The following RBMS2 variants were observed in gnomAD, a reference collection of about 807,000 sequenced individuals.
RBMS2 encodes RNA binding motif single stranded interacting protein 2.
RBMS2 carries 38 observed loss-of-function variants against 58.4 expected under a neutral mutation model. The observed-to-expected ratio is 0.65, with a 90% CI of 0.50 to 0.85. RBMS2 has a LOEUF of 0.85. Ranked by LOEUF, RBMS2 falls within the 40% of genes least tolerant of loss-of-function variation. RBMS2 has a pLI of 0.00. For synonymous variants in RBMS2, 151 were observed against 180.7 expected, an observed-to-expected ratio of 0.84 and a Z score of 1.32; for missense variants, 367 against 503.7, an observed-to-expected ratio of 0.73 and a Z score of 2.60.
chr12:56,546,316 A>G (rs941402226), intron 1 of RBMS2, among the ~76,000 whole-genome samples: 4 of 148,136 alleles, frequency 2.7e-5, no homozygotes, highest in African/African-American at 9.9e-5. Context: ...ATAATACATT[A>G]TAAAAAATAA....
intron 10 of RBMS2, among the ~76,000 whole-genome samples, chr12:56,587,267 CAAA>C (rs1237199645): frequency 8.3e-6 from 1 of 120,094 alleles, no homozygotes; most frequent in Non-Finnish European, 1.8e-5. Context: ...AACTCCGTCT[CAAA>C]AAAAAAAAAA....
Position 56,593,705 on chromosome 12 carries a change from C to G in RBMS2, c.*4572C>G, listed in dbSNP as rs2136641572. Reference sequence around the variant, plus strand: ...GGGATTACAGGTGCCTGCCACCATGCCTGGCTAATTTTTGTATTTTTAGTA... The same window carrying G: ...GGGATTACAGGTGCCTGCCACCATGGCTGGCTAATTTTTGTATTTTTAGTA... On this transcript the variant is annotated 3_prime_UTR_variant, in exon 14 of 14. Coordinates refer to ENST00000262031, the MANE Select transcript of RBMS2 (RefSeq NM_002898.4). The G allele has an allele frequency of 6.6e-6, 1 of 152,112 alleles. No individual in the cohort carries two copies. The highest frequency in any genetic ancestry group is 2.1e-4 in the South Asian group (1 of 4,814). The allele number at this position is 152,112 out of a possible 1,614,324, so 9.4% of individuals were successfully genotyped here.
intron 1 of RBMS2, among the ~76,000 whole-genome samples, chr12:56,524,334 C>G (rs138229867): frequency 1.3e-5 from 2 of 152,230 alleles, no homozygotes; most frequent in African/African-American, 4.8e-5. Flanking sequence ...GATGCTGTAT[C>G]TGTGCATCAC....
rs1884831421 is a variant in RBMS2, at chr12:56,587,468, C to T, written c.952-86C>T. On this transcript the variant is annotated intron_variant, in intron 10 of 13. Transcript: ENST00000262031. ...TCCCAGGATTCTTAAATGTCTGTCT[C>T]CAGTGGTCCTGACAGCCACCGATCA... 2.2e-6 allele frequency: 3 copies of T among 1,381,316 alleles called. No individual in the cohort carries two copies. In the South Asian group the frequency reaches 4.1e-5, roughly 19 times the overall value. The allele number at this position is 1,381,316 out of a possible 1,614,324, so 85.6% of individuals were successfully genotyped here.
rs1218905083 is a variant in RBMS2, at chr12:56,592,474, AG to A, written c.*3343del. ...GGAGGAGGGTGCCAGTAGAGAGGTCAGGAAGATGTGGAGATGATGATGGAGA... is the reference window on the plus strand; with the variant it reads ...GGAGGAGGGTGCCAGTAGAGAGGTCAGAAGATGTGGAGATGATGATGGAGA... On this transcript the variant is annotated 3_prime_UTR_variant, in exon 14 of 14. Coordinates refer to ENST00000262031, the MANE Select transcript of RBMS2 (RefSeq NM_002898.4). 1 of 152,224 alleles carries A rather than the reference AG, an allele frequency of 6.6e-6. No homozygotes were observed. The allele number at this position is 152,224 out of a possible 1,614,324, so 9.4% of individuals were successfully genotyped here. A position where few individuals can be genotyped will look rare whatever the true frequency, so the allele number is the denominator to read the frequency against.
At chr12:56,540,825 G>T (rs897130835) in intron 1 of RBMS2, among the ~76,000 whole-genome samples, 1 of 152,156 alleles carries the variant, frequency 6.6e-6, no homozygotes, top group Non-Finnish European at 1.5e-5. Flanking sequence ...TATTGGCTGG[G>T]CTTGGTGGCT....
intron 1 of RBMS2, among the ~76,000 whole-genome samples, chr12:56,558,880 T>G (rs4237803): frequency 0.93 from 142,028 of 151,968 alleles, 66,931 homozygotes; most frequent in East Asian, 1. Context: ...GATTACAGGC[T>G]TAAGCCACTG....
chr12:56,588,925 G>T lies in RBMS2; in HGVS notation c.1144-7G>T. 1 of 1,613,978 alleles carries T rather than the reference G, an allele frequency of 6.2e-7. No homozygotes were observed. The highest frequency in any genetic ancestry group is 8.5e-7 in the Non-Finnish European group (1 of 1,179,868). On this transcript the variant is annotated splice_polypyrimidine_tract_variant and splice_region_variant and intron_variant, in intron 12 of 13. Coordinates refer to ENST00000262031, the MANE Select transcript of RBMS2 (RefSeq NM_002898.4). ...CAAGATGACCCCCCTCCTTGGCTAT[G>T]GCACAGGAGAGCAGCGGCCAACAGA...
chr12:56,524,180 G>A (rs1477067256), intron 1 of RBMS2, among the ~76,000 whole-genome samples: 2 of 152,108 alleles, frequency 1.3e-5, no homozygotes, highest in Non-Finnish European at 2.9e-5. Context: ...TTGTGGGTTT[G>A]GGTTGAAATC....
intron 5 of RBMS2, among the ~76,000 whole-genome samples, chr12:56,579,477 A>G (rs766140854): frequency 6.6e-6 from 1 of 151,868 alleles, no homozygotes; most frequent in Non-Finnish European, 1.5e-5. Flanking sequence ...AAAAATACCA[A>G]AAAAAATTAG....
intron 1 of RBMS2, among the ~76,000 whole-genome samples, chr12:56,556,287 A>G (rs1172971794): frequency 6.6e-6 from 1 of 151,924 alleles, no homozygotes; most frequent in African/African-American, 2.4e-5. Flanking sequence ...CCCTATAAAA[A>G]TCTCTGGGGA....
chr12:56,529,886 T>G (rs541630645), intron 1 of RBMS2, among the ~76,000 whole-genome samples: 22 of 152,314 alleles, frequency 1.4e-4, no homozygotes, highest in Middle Eastern at 3.4e-3. Context: ...GTTGCACAAC[T>G]CTGTGATCTA....
intron 1 of RBMS2, among the ~76,000 whole-genome samples, chr12:56,536,667 A>C (rs960462528): frequency 6.6e-6 from 1 of 150,378 alleles, no homozygotes; most frequent in African/African-American, 2.4e-5. Flanking sequence ...TGGTGGGTTC[A>C]AGCAATTATC....
chr12:56,574,052 G>A (rs1330794681), intron 5 of RBMS2, among the ~76,000 whole-genome samples: 1 of 152,022 alleles, frequency 6.6e-6, no homozygotes, highest in Non-Finnish European at 1.5e-5. Context: ...GGTTGTCCAG[G>A]CTGTTCTCGA....
intron 5 of RBMS2, among the ~76,000 whole-genome samples, chr12:56,576,120 TTG>T (rs1364061189): frequency 2.0e-5 from 3 of 151,938 alleles, no homozygotes; most frequent in Non-Finnish European, 4.4e-5. Flanking sequence ...AGCAGATCAC[TTG>T]AGATCAGGAG....
chr12:56,588,921 C>G lies in RBMS2; in HGVS notation c.1144-11C>G. 6.2e-7 allele frequency: 1 copy of G among 1,613,976 alleles called. No individual in the cohort carries two copies. Among genetic ancestry groups the G allele is most frequent in the African/African-American group, 1.3e-5 (1 of 75,040 alleles). Reference sequence around the variant, plus strand: ...TGCGCAAGATGACCCCCCTCCTTGGCTATGGCACAGGAGAGCAGCGGCCAA... The same window carrying G: ...TGCGCAAGATGACCCCCCTCCTTGGGTATGGCACAGGAGAGCAGCGGCCAA... On this transcript the variant is annotated splice_polypyrimidine_tract_variant and intron_variant, in intron 12 of 13. Transcript: ENST00000262031.
At chr12:56,529,071 C>T (rs926067594) in intron 1 of RBMS2, among the ~76,000 whole-genome samples, 2 of 152,082 alleles carry the variant, frequency 1.3e-5, no homozygotes, top group Non-Finnish European at 2.9e-5. Context: ...CCAGGAATTC[C>T]ACTCCTAGAT....
chr12:56,537,751 T>A (rs912613918), intron 1 of RBMS2, among the ~76,000 whole-genome samples: 1 of 152,032 alleles, frequency 6.6e-6, no homozygotes, highest in Admixed American at 6.6e-5. Context: ...ATATGGCAAG[T>A]CTATTTTTAA....
chr12:56,542,897 TTTTA>T (rs753325743), intron 1 of RBMS2, among the ~76,000 whole-genome samples: 1 of 151,192 alleles, frequency 6.6e-6, no homozygotes, highest in Non-Finnish European at 1.5e-5. Flanking sequence ...TTTTTATTAT[TTTTA>T]TTTATTTATT....
Sources: gnomAD v4.1 joint callset for allele counts (sites outside exome capture counted in the v4.1 genomes callset) on GRCh38, gnomAD v4.1.1 for gene constraint, MANE v1.5 for transcripts, NCBI Gene and HGNC (gene_info 2026-07-23, HGNC 2026-07-21) for gene names.